Variants in BUB1B observed in about 807,000 individuals in gnomAD.
The protein encoded by BUB1B is mitotic checkpoint serine/threonine-protein kinase BUB1 beta.
Under a neutral mutation model 137.7 loss-of-function variants are expected in BUB1B, and 86 were observed. The observed-to-expected ratio is 0.62, with a 90% CI of 0.52 to 0.75. The LOEUF is 0.75. Ranked by LOEUF, BUB1B falls within the 30% of genes least tolerant of loss-of-function variation. BUB1B has a pLI of 0.00. For synonymous variants in BUB1B, 420 were observed against 417.9 expected, an observed-to-expected ratio of 1.00 and a Z score of -0.06; for missense variants, 1,130 against 1,236.9, an observed-to-expected ratio of 0.91 and a Z score of 1.30.
rs534297115 is a variant in BUB1B at position 40,165,124 on chromosome 15, G to A, written c.107G>A (p.Arg36Gln). The A allele has an allele frequency of 6.2e-6, 10 of 1,614,160 alleles. No homozygotes were observed. Among genetic ancestry groups the A allele is most frequent in the East Asian group, 2.2e-5 (1 of 44,892 alleles). Residue 36 changes from arginine to glutamine, a missense_variant, in exon 2 of 23, where the codon CGG becomes CAG. Transcript: ENST00000287598. ...KENVQPLRQGRIMSTLQGALA... is the reference protein window; with the variant it reads ...KENVQPLRQGQIMSTLQGALA... Reference sequence around the variant, plus strand: ...AATGTACAACCTTTAAGGCAAGGGCGGATCATGTCCACGCTTCAGGGAGCA... The same window carrying A: ...AATGTACAACCTTTAAGGCAAGGGCAGATCATGTCCACGCTTCAGGGAGCA...
In BUB1B at chr15:40,185,321, C is replaced by T. The variant is rs768465911; in HGVS notation, c.908C>T (p.Ala303Val). 1 of 1,614,148 alleles carries T rather than the reference C, an allele frequency of 6.2e-7. No individual in the cohort carries two copies. Among genetic ancestry groups the T allele is most frequent in the South Asian group, 1.1e-5 (1 of 91,080 alleles). The change falls in exon 7 of 23, where the codon GCC (alanine) becomes GTC (valine). Residue 303 changes from alanine to valine, a missense_variant. Transcript: ENST00000287598. Reference protein sequence around the residue: ...QPWIAPPMPRAKENELQAGPW... With the variant: ...QPWIAPPMPRVKENELQAGPW... ...TGGATAGCACCCCCCATGCCCAGGGCCAAAGAGAATGAGCTGCAAGCAGGC... is the reference window on the plus strand; with the variant it reads ...TGGATAGCACCCCCCATGCCCAGGGTCAAAGAGAATGAGCTGCAAGCAGGC...
At chr15:40,167,342 CTTTTTTTTTTTTT>C (rs767161007) in intron 2 of BUB1B, among the ~76,000 whole-genome samples, 4 of 77,098 alleles carry the variant, frequency 5.2e-5, no homozygotes, top group African/African-American at 1.2e-4. Flanking sequence ...TTCATTTTAG[CTTTTTTTTTTTTT>C]TTTTTTTTTT....
intron 4 of BUB1B, chr15:40,173,927 C>G (rs1263385741): frequency 2.3e-6 from 1 of 428,846 alleles, no homozygotes; most frequent in South Asian, 1.7e-5. Context: ...CTCCTACAGT[C>G]TAGCTAAGGA....
intron 14 of BUB1B, 96 bp downstream of exon 14, chr15:40,202,790 G>A: frequency 9.4e-7 from 1 of 1,061,802 alleles, no homozygotes; most frequent in Non-Finnish European, 1.5e-6. Flanking sequence ...CCACTGACTT[G>A]AATTAAGCAC....
intron 8 of BUB1B, among the ~76,000 whole-genome samples, chr15:40,194,340 A>G (rs543158166): frequency 6.6e-6 from 1 of 152,270 alleles, no homozygotes; most frequent in South Asian, 2.1e-4. Flanking sequence ...TCTCTTGCCT[A>G]ATAGCCTTGA....
chr15:40,177,626 A>C (rs1442420437), intron 5 of BUB1B, among the ~76,000 whole-genome samples: 1 of 152,050 alleles, frequency 6.6e-6, no homozygotes, highest in East Asian at 1.9e-4. Context: ...AGATTACTAT[A>C]CCTTTTATAG....
Position 40,200,261 on chromosome 15 carries a change from T to G in BUB1B, c.1419T>G (p.Pro473=). Residue 473 remains proline, a synonymous_variant, in exon 11 of 23, where the codon CCT becomes CCG. Transcript: ENST00000287598. ...GCAAACAGCAAGAAGAGACGATGCCTACAAAGGAGACAACTAAACTGCAAA... is the reference window on the plus strand; with the variant it reads ...GCAAACAGCAAGAAGAGACGATGCCGACAAAGGAGACAACTAAACTGCAAA... ...RTGDQQEETM[P]TKETTKLQIA... is the part of the protein sequence containing the mutation. The G allele has an allele frequency of 6.2e-7, 1 of 1,613,382 alleles. No homozygotes were observed. The highest frequency in any genetic ancestry group is 8.5e-7 in the Non-Finnish European group (1 of 1,179,446).
chr15:40,162,261 A>C (rs1198783376), intron 1 of BUB1B, among the ~76,000 whole-genome samples: 4 of 152,068 alleles, frequency 2.6e-5, no homozygotes, highest in Admixed American at 2.6e-4. Context: ...GGCATGTCCA[A>C]GGCCATTGTC....
In BUB1B at chr15:40,202,465, G is replaced by T. The variant is rs2037583699; in HGVS notation, c.1628G>T (p.Ser543Ile). ...CTTCTTTCAGAAAAGAAGAATAAAAGGTACGTTGTTTTTTTGTTTTTTTGG... is the reference window on the plus strand; with the variant it reads ...CTTCTTTCAGAAAAGAAGAATAAAATGTACGTTGTTTTTTTGTTTTTTTGG... ...EFLLSEKKNK[S>I]PPADPPRVLA... is the part of the protein sequence containing the mutation. Residue 543 changes from serine (S) to isoleucine (I), a missense_variant and splice_region_variant, in exon 13 of 23, where the codon AGT (serine) becomes ATT (isoleucine). Transcript: ENST00000287598. 3 of 1,611,462 alleles carry T rather than the reference G, an allele frequency of 1.9e-6. No individual in the cohort carries two copies. The highest frequency in any genetic ancestry group is 1.7e-4 in the Middle Eastern group (1 of 6,022).
intron 9 of BUB1B, among the ~76,000 whole-genome samples, chr15:40,198,694 G>C (rs2037528351): frequency 6.6e-6 from 1 of 151,938 alleles, no homozygotes; most frequent in Non-Finnish European, 1.5e-5. Context: ...TATCTCCTGA[G>C]CCTCCTTAGT....
In BUB1B at chr15:40,220,831, T is replaced by C; in HGVS notation, c.*72T>C. On this transcript the variant is annotated 3_prime_UTR_variant, in exon 23 of 23. Transcript: ENST00000287598. ...TATTGTGGAACACTGAAACTGTATG[T>C]GCTGTAATTTAATTTAGGACACATT... is the stretch of plus-strand genomic sequence containing the variant. 2.7e-6 allele frequency: 4 copies of C among 1,485,024 alleles called. No homozygotes were observed. The highest frequency in any genetic ancestry group is 3.8e-6 in the Non-Finnish European group (4 of 1,063,834). The allele number at this position is 1,485,024 out of a possible 1,614,324, so 92.0% of individuals were successfully genotyped here. A position where few individuals can be genotyped will look rare whatever the true frequency, so the allele number is the denominator to read the frequency against.
At chr15:40,172,128 TAAAG>T (rs968135396) in intron 4 of BUB1B, among the ~76,000 whole-genome samples, 20 of 150,786 alleles carry the variant, frequency 1.3e-4, no homozygotes, top group African/African-American at 4.6e-4. Context: ...AATAAAGTAA[TAAAG>T]TAAGAAATAA....
intron 1 of BUB1B, 117 bp downstream of exon 1, chr15:40,161,372 A>T: frequency 8.4e-7 from 1 of 1,184,480 alleles, no homozygotes; most frequent in Non-Finnish European, 1.1e-6. Flanking sequence ...AACAGACCCC[A>T]CCGGAGCCTC....
intron 14 of BUB1B, among the ~76,000 whole-genome samples, chr15:40,205,472 T>C (rs1338946934): frequency 1.3e-5 from 2 of 152,202 alleles, no homozygotes; most frequent in African/African-American, 4.8e-5. Context: ...TAAAGAACTT[T>C]AGTGTTTATA....
chr15:40,176,332 C>G, intron 4 of BUB1B, 145 bp from the exon 5 acceptor site: 2 of 796,732 alleles, frequency 2.5e-6, no homozygotes, highest in Admixed American at 2.1e-5. Flanking sequence ...TTTAGGTCCT[C>G]CCAGTATGGT....
In BUB1B at chr15:40,208,669, A is replaced by C. The variant is rs761234125; in HGVS notation, c.2042A>C (p.His681Pro). Residue 681 changes from histidine (H) to proline (P), a missense_variant, in exon 16 of 23, where the codon CAC becomes CCC. Coordinates refer to ENST00000287598, the MANE Select transcript of BUB1B (RefSeq NM_001211.6). Reference protein sequence around the residue: ...PIIEDSREATHSSGFSGSSAS... With the variant: ...PIIEDSREATPSSGFSGSSAS... The stretch of plus-strand genomic sequence containing the variant: ...ATTGAAGACAGTCGTGAAGCCACAC[A>C]CTCCTCTGGCTTCTCTGGTTCTTCT... 10 of 1,613,638 alleles carry C rather than the reference A, an allele frequency of 6.2e-6. No homozygotes were observed. In the East Asian group the frequency reaches 2.2e-4, roughly 36 times the overall value.
rs139066741 is a variant in BUB1B at position 40,217,601 on chromosome 15, C to T, written c.2784C>T (p.Ser928=). 1.3e-4 allele frequency: 216 copies of T among 1,614,128 alleles called. No individual in the cohort carries two copies. The East Asian group carries it at 4.4e-3, about 33-fold the overall frequency. ...LRVQLDVFTL[S]GFRTVQILEG... ...TGCAGCTGGATGTTTTTACCCTCAG[C>T]GGCTTTCGGACTGTACAGATCCTGG... The change falls in exon 21 of 23, where the codon AGC becomes AGT. Residue 928 remains serine (S), a synonymous_variant. Coordinates refer to ENST00000287598, the MANE Select transcript of BUB1B (RefSeq NM_001211.6).
chr15:40,164,231 TTAA>T (rs1178653854), intron 1 of BUB1B, among the ~76,000 whole-genome samples: 1 of 152,096 alleles, frequency 6.6e-6, no homozygotes, highest in Non-Finnish European at 1.5e-5. Context: ...TTTGCTAATT[TTAA>T]TGTTTTTTTT....
At chr15:40,182,152 C>T (rs1179544454) in intron 5 of BUB1B, among the ~76,000 whole-genome samples, 1 of 152,114 alleles carries the variant, frequency 6.6e-6, no homozygotes, top group African/African-American at 2.4e-5. Context: ...TGTAGTGAGC[C>T]GAGATTGTGC....
Sources: allele counts gnomAD v4.1 joint callset (sites outside exome capture counted in the v4.1 genomes callset), GRCh38; gene constraint gnomAD v4.1.1; transcripts MANE v1.5; gene names NCBI Gene and HGNC (gene_info 2026-07-23, HGNC 2026-07-21).